The following FAF1 variants were observed in gnomAD, a reference collection of about 807,000 sequenced individuals.
FAF1 encodes Fas associated factor 1, also known as FAS-associated factor 1.
A neutral mutation model predicts 92.5 loss-of-function variants in FAF1; 25 were observed. That is an observed-to-expected ratio of 0.27 (90% CI 0.20 to 0.38). The LOEUF is 0.38. Ranked by LOEUF, FAF1 falls within the 10% of genes least tolerant of loss-of-function variation. The probability of loss-of-function intolerance (pLI) is 1.00; values close to 1 mark genes in which losing one functional copy is unlikely to be tolerated. For synonymous variants in FAF1, 234 were observed against 273.2 expected, an observed-to-expected ratio of 0.86 and a Z score of 1.42; for missense variants, 636 against 793.3, an observed-to-expected ratio of 0.80 and a Z score of 2.38.
At position 50,663,415 on chromosome 1, in the gene FAF1, A is replaced by ATTTT. The variant is rs1188471030; in HGVS notation, c.658-7891_658-7888dup. ...TGCTTTTTTTTAAATTTTAATTTCA[A>ATTTT]TTTTTTTTTTTTTTTTTTGAGACAG... is the stretch of plus-strand genomic sequence containing the variant. On this transcript the variant is annotated intron_variant, in intron 7 of 18. Coordinates refer to ENST00000396153, the MANE Select transcript of FAF1 (RefSeq NM_007051.3). Among the ~76,000 whole-genome samples the ATTTT allele has an allele frequency of 2.6e-4, 36 of 135,908 alleles. 1 individual carries two copies. The highest frequency in any genetic ancestry group is 9.6e-4 in the African/African-American group (34 of 35,486). 89.2% of individuals were successfully genotyped at this position (135,908 alleles called of 152,430 possible).
intron 2 of FAF1, among the ~76,000 whole-genome samples, chr1:50,852,085 T>C (rs1644355782): frequency 6.6e-6 from 1 of 152,134 alleles, no homozygotes; most frequent in African/African-American, 2.4e-5. Context: ...GAAAAAAAGA[T>C]TTGTATGACA....
intron 1 of FAF1, among the ~76,000 whole-genome samples, chr1:50,889,557 A>T (rs1644701523): frequency 6.6e-6 from 1 of 152,144 alleles, no homozygotes; most frequent in Admixed American, 6.5e-5. Context: ...AGGTTCTGGT[A>T]TGTTGTGTCT....
intron 13 of FAF1, among the ~76,000 whole-genome samples, chr1:50,549,718 T>G (rs1047319993): frequency 6.6e-6 from 1 of 151,928 alleles, no homozygotes; most frequent in African/African-American, 2.4e-5. Flanking sequence ...GGGGTTGCAG[T>G]GAGCTGAGAT....
At chr1:50,445,703 T>G (rs1646219949) in intron 18 of FAF1, among the ~76,000 whole-genome samples, 1 of 152,156 alleles carries the variant, frequency 6.6e-6, no homozygotes, top group Non-Finnish European at 1.5e-5. Flanking sequence ...AAGCCCACCT[T>G]TTGGGACTCC....
chr1:50,955,025 G>C (rs559197330), intron 1 of FAF1, among the ~76,000 whole-genome samples: 2 of 152,120 alleles, frequency 1.3e-5, no homozygotes, highest in Non-Finnish European at 2.9e-5. Flanking sequence ...AGGTTAAGGA[G>C]GAGAAGACTC....
intron 1 of FAF1, among the ~76,000 whole-genome samples, chr1:50,877,752 T>G (rs1644582204): frequency 6.6e-6 from 1 of 152,174 alleles, no homozygotes; most frequent in African/African-American, 2.4e-5. Context: ...GTTTTCTCCC[T>G]TCAGTTTACT....
intron 4 of FAF1, among the ~76,000 whole-genome samples, chr1:50,777,784 T>C (rs1569931505): frequency 6.6e-6 from 1 of 150,768 alleles, no homozygotes; most frequent in Admixed American, 6.6e-5. Context: ...ATCAGGAATA[T>C]GACTAAAATT....
intron 1 of FAF1, among the ~76,000 whole-genome samples, chr1:50,886,982 T>C (rs1275298692): frequency 6.6e-6 from 1 of 152,226 alleles, no homozygotes; most frequent in Non-Finnish European, 1.5e-5. Flanking sequence ...TGAACTACTT[T>C]ACAGTCCCAC....
chr1:50,714,214 T>G (rs1658076010), intron 6 of FAF1, among the ~76,000 whole-genome samples: 2 of 151,774 alleles, frequency 1.3e-5, no homozygotes, highest in African/African-American at 4.8e-5. Context: ...ATATTTGCAT[T>G]ATCTTCGCCT....
At chr1:50,469,449 A>G (rs1646542896) in intron 18 of FAF1, 1 of 152,152 alleles carries the variant, frequency 6.6e-6, no homozygotes, top group Non-Finnish European at 1.5e-5. Context: ...CAAGCAGTTT[A>G]TTGTGGTTTA....
chr1:50,744,688 T>C lies in FAF1; in HGVS notation c.455A>G (p.Asp152Gly). ...CTATGCAATTAAGAAACTCACACTG[T>C]CTTCCACATCTCCCGTCTTCCAGCC... ...LKGWKTGDVE[D>G]STVLKSLHLP... is the part of the protein sequence containing the mutation. Residue 152 changes from aspartate (D) to glycine (G), a missense_variant, in exon 5 of 19, where the codon GAC becomes GGC. Asp to Gly is a moderately conservative substitution (Grantham distance 94). Coordinates refer to ENST00000396153, the MANE Select transcript of FAF1 (RefSeq NM_007051.3). 4 of 1,594,584 alleles carry C rather than the reference T, an allele frequency of 2.5e-6. No individual in the cohort carries two copies. Among genetic ancestry groups the C allele is most frequent in the Non-Finnish European group, 3.4e-6 (4 of 1,166,042 alleles).
chr1:50,856,200 A>C (rs966481581), intron 2 of FAF1, among the ~76,000 whole-genome samples: 1 of 151,786 alleles, frequency 6.6e-6, no homozygotes. Context: ...CCTTTCCTCT[A>C]TTCCATATCC....
intron 2 of FAF1, among the ~76,000 whole-genome samples, chr1:50,841,241 T>C (rs1021117701): frequency 1.3e-5 from 2 of 152,044 alleles, no homozygotes; most frequent in African/African-American, 2.4e-5. Context: ...TTGACACATA[T>C]ATATAAAATT....
intron 2 of FAF1, among the ~76,000 whole-genome samples, chr1:50,818,026 C>G (rs924563403): frequency 6.6e-6 from 1 of 152,050 alleles, no homozygotes; most frequent in Non-Finnish European, 1.5e-5. Context: ...TCAAAAATTG[C>G]TTGAGGTGGG....
chr1:50,621,868 G>A (rs1254912624), intron 8 of FAF1, among the ~76,000 whole-genome samples: 2 of 152,046 alleles, frequency 1.3e-5, no homozygotes, highest in Non-Finnish European at 2.9e-5. Flanking sequence ...TTGCTCCCTA[G>A]AAAGATTCCC....
rs1338389922 is a variant in FAF1 at position 50,438,393 on chromosome 1, G to GT, written c.*3046dup. The GT allele has an allele frequency of 6.6e-6, 1 of 152,268 alleles. No homozygotes were observed. Among genetic ancestry groups the GT allele is most frequent in the Non-Finnish European group, 1.5e-5 (1 of 68,084 alleles). The allele number at this position is 152,268 out of a possible 1,614,324, so 9.4% of individuals were successfully genotyped here. Reference sequence around the variant, plus strand: ...TGTGTGTATGTGGCTGTGGTTATATGTATGTGAAGATCTCTCTTCCTCTAA... The same window carrying GT: ...TGTGTGTATGTGGCTGTGGTTATATGTTATGTGAAGATCTCTCTTCCTCTAA... On this transcript the variant is annotated 3_prime_UTR_variant, in exon 19 of 19. Transcript: ENST00000396153.
chr1:50,836,168 C>CTTTTTTTTTTTTTTTTTTTTTTT (rs1644200011), intron 2 of FAF1, among the ~76,000 whole-genome samples: 1 of 75,542 alleles, frequency 1.3e-5, no homozygotes, highest in African/African-American at 5.7e-5. Context: ...TTTTTTGTTT[C>CTTTTTTTTTTTTTTTTTTTTTTT]TGTTTTTTTT....
intron 1 of FAF1, among the ~76,000 whole-genome samples, chr1:50,925,571 T>G (rs550873441): frequency 2.0e-5 from 3 of 152,046 alleles, no homozygotes; most frequent in African/African-American, 7.2e-5. Flanking sequence ...CCGCTCAGAA[T>G]GGCTATTATC....
Position 50,655,492 on chromosome 1 carries a change from C to T in FAF1, c.694G>A (p.Val232Ile), listed in dbSNP as rs764609835. ...RNVYDLTSIP[V>I]RHQLWEGWPT... is the part of the protein sequence containing the mutation. ...CAGCCCTCCCATAATTGGTGGCGAA[C>T]GGGGATACTTGTAAGGTCATACACA... Residue 232 changes from valine (V) to isoleucine (I), a missense_variant, in exon 8 of 19, where the codon GTT (valine) becomes ATT (isoleucine). Val to Ile is a conservative substitution (Grantham distance 29). Transcript: ENST00000396153. 9 of 1,613,340 alleles carry T rather than the reference C, an allele frequency of 5.6e-6. No homozygotes were observed. Among genetic ancestry groups the T allele is most frequent in the Non-Finnish European group, 7.6e-6 (9 of 1,179,362 alleles).
Sources: allele counts gnomAD v4.1 joint callset (sites outside exome capture counted in the v4.1 genomes callset), GRCh38; gene constraint gnomAD v4.1.1; transcripts MANE v1.5; gene names NCBI Gene and HGNC (gene_info 2026-07-23, HGNC 2026-07-21).